The following DOCK3 variants were observed in gnomAD, a reference collection of about 807,000 sequenced individuals.
The protein encoded by DOCK3 is dedicator of cytokinesis protein 3.
In DOCK3, 60 loss-of-function variants were observed where a neutral mutation model predicts 265.6. The observed-to-expected ratio is 0.23, with a 90% confidence interval of 0.18 to 0.28. DOCK3 has a LOEUF of 0.28. Among genes scored for constraint, DOCK3 ranks in the 10% least tolerant of loss-of-function variants. The pLI is 1.00. For synonymous variants in DOCK3, 881 were observed against 938.0 expected, an observed-to-expected ratio of 0.94 and a Z score of 1.11; for missense variants, 1,981 against 2,594.3, an observed-to-expected ratio of 0.76 and a Z score of 5.14.
chr3:50,765,967 C>T (rs946630892), intron 1 of DOCK3, among the ~76,000 whole-genome samples: 2 of 152,000 alleles, frequency 1.3e-5, no homozygotes, highest in African/African-American at 4.8e-5. Flanking sequence ...CGGTCCTATT[C>T]TCTACATCTG....
chr3:51,322,667 A>G (rs1406434131), intron 32 of DOCK3, among the ~76,000 whole-genome samples: 7 of 152,192 alleles, frequency 4.6e-5, no homozygotes, highest in Non-Finnish European at 5.9e-5. Context: ...AAATATGGAA[A>G]GGAGTAACCG....
At chr3:51,176,467 A>AT (rs112296248) in intron 12 of DOCK3, among the ~76,000 whole-genome samples, 2,035 of 51,886 alleles carry the variant, frequency 0.039, 53 homozygotes, top group African/African-American at 0.12. Flanking sequence ...AAATAAAAAA[A>AT]AAAAAAAAAT....
At chr3:51,112,223 G>A (rs2083551619) in intron 9 of DOCK3, among the ~76,000 whole-genome samples, 1 of 152,134 alleles carries the variant, frequency 6.6e-6, no homozygotes, top group Non-Finnish European at 1.5e-5. Flanking sequence ...ATACCCAGAG[G>A]AATATAAATC....
intron 19 of DOCK3, among the ~76,000 whole-genome samples, chr3:51,230,095 A>G (rs922234156): frequency 2.6e-5 from 4 of 152,144 alleles, no homozygotes; most frequent in African/African-American, 9.7e-5. Flanking sequence ...CATTGTGTTT[A>G]TATGCCATGT....
intron 6 of DOCK3, among the ~76,000 whole-genome samples, chr3:51,065,720 T>C (rs1319156399): frequency 6.6e-6 from 1 of 152,218 alleles, no homozygotes; most frequent in Non-Finnish European, 1.5e-5. Flanking sequence ...ATTTAAGGAC[T>C]TTAAAGTATA....
chr3:51,018,977 C>A (rs1327912239), intron 5 of DOCK3, among the ~76,000 whole-genome samples: 2 of 151,556 alleles, frequency 1.3e-5, no homozygotes, highest in Non-Finnish European at 2.9e-5. Context: ...CCAGTGGTGT[C>A]TTTTTTTGGA....
intron 12 of DOCK3, among the ~76,000 whole-genome samples, chr3:51,205,378 G>C (rs1279901036): frequency 1.3e-5 from 2 of 151,906 alleles, no homozygotes; most frequent in African/African-American, 4.8e-5. Context: ...ATGGGGTTAG[G>C]ACTAAAGAGA....
Position 50,894,257 on chromosome 3 carries a change from C to T in DOCK3, c.218+4176C>T, listed in dbSNP as rs545267964. On this transcript the variant is annotated intron_variant, in intron 4 of 52. Coordinates refer to ENST00000266037, the MANE Select transcript of DOCK3 (RefSeq NM_004947.5). ...CTTATATAAGAGAGCCTCCATAAAT[C>T]TGCTATCAGCAGATTTCTCCGCCAA... Among the ~76,000 whole-genome samples, 9 of 152,092 alleles carry T rather than the reference C, an allele frequency of 5.9e-5. No homozygotes were observed. The South Asian group carries it at 1.9e-3, about 32-fold the overall frequency.
chr3:51,094,223 G>A (rs2082740043), intron 9 of DOCK3, among the ~76,000 whole-genome samples: 1 of 152,048 alleles, frequency 6.6e-6, no homozygotes. Flanking sequence ...TCTGTTTATT[G>A]GAATAGTTTC....
At chr3:51,052,977 C>G (rs551040369) in intron 5 of DOCK3, among the ~76,000 whole-genome samples, 10 of 150,352 alleles carry the variant, frequency 6.7e-5, no homozygotes, top group Non-Finnish European at 1.3e-4. Flanking sequence ...TAAATTGAGA[C>G]TGCTTAACTT....
chr3:51,127,295 A>T (rs1164057843), intron 9 of DOCK3, among the ~76,000 whole-genome samples: 1 of 152,144 alleles, frequency 6.6e-6, no homozygotes, highest in African/African-American at 2.4e-5. Flanking sequence ...ACATACCACG[A>T]TCAGTACTTT....
At chr3:51,109,301 G>A (rs973471525) in intron 9 of DOCK3, among the ~76,000 whole-genome samples, 2 of 151,974 alleles carry the variant, frequency 1.3e-5, no homozygotes, top group African/African-American at 4.8e-5. Context: ...AAATTAAGGT[G>A]GAAATCAAGT....
chr3:51,379,157 C>T (rs782692666), intron 51 of DOCK3, among the ~76,000 whole-genome samples: 1 of 152,328 alleles, frequency 6.6e-6, no homozygotes, highest in Middle Eastern at 3.4e-3. Flanking sequence ...CCTGGCAGAT[C>T]CCAGAGGCTG....
intron 1 of DOCK3, among the ~76,000 whole-genome samples, chr3:50,686,487 C>T (rs544439603): frequency 1.3e-5 from 2 of 152,150 alleles, no homozygotes; most frequent in Admixed American, 6.5e-5. Flanking sequence ...ACAGATTGGT[C>T]GTGGATCTAT....
intron 4 of DOCK3, among the ~76,000 whole-genome samples, chr3:50,896,259 AG>A (rs2048890095): frequency 6.6e-6 from 1 of 152,158 alleles, no homozygotes; most frequent in Admixed American, 6.6e-5. Context: ...AGTGATGATG[AG>A]CTTTTTCTCA....
rs9831112 is a variant in DOCK3 at position 51,230,631 on chromosome 3, C to T, written c.1917+1022C>T. 2.7e-3 allele frequency among the ~76,000 whole-genome samples: 416 copies of T among 152,222 alleles called. 1 individual carries two copies. The highest frequency in any genetic ancestry group is 9.6e-3 in the African/African-American group (398 of 41,538). On this transcript the variant is annotated intron_variant, in intron 19 of 52. Coordinates refer to ENST00000266037, the MANE Select transcript of DOCK3 (RefSeq NM_004947.5). Reference sequence around the variant, plus strand: ...TGCCCGGTTCAAGCGATTCTCCTGCCTCAGGCTCCAGAGTAGCTAGGACTA... The same window carrying T: ...TGCCCGGTTCAAGCGATTCTCCTGCTTCAGGCTCCAGAGTAGCTAGGACTA...
intron 5 of DOCK3, among the ~76,000 whole-genome samples, chr3:50,994,196 A>T (rs980235625): frequency 3.9e-5 from 6 of 152,212 alleles, no homozygotes; most frequent in African/African-American, 1.4e-4. Context: ...AGAATTAGTG[A>T]GAGTCAGCAA....
intron 4 of DOCK3, among the ~76,000 whole-genome samples, chr3:50,903,494 C>G (rs957203255): frequency 2.0e-5 from 3 of 152,140 alleles, no homozygotes; most frequent in African/African-American, 4.8e-5. Context: ...GTTTAACCAG[C>G]CTTGCATCCC....
chr3:51,189,736 C>G (rs2087830485), intron 12 of DOCK3, among the ~76,000 whole-genome samples: 1 of 152,164 alleles, frequency 6.6e-6, no homozygotes, highest in South Asian at 2.1e-4. Flanking sequence ...ATGCAAGTGT[C>G]TTTTTGGTAT....
Sources: allele counts gnomAD v4.1 joint callset (sites outside exome capture counted in the v4.1 genomes callset), GRCh38; gene constraint gnomAD v4.1.1; transcripts MANE v1.5; gene names NCBI Gene and HGNC (gene_info 2026-07-23, HGNC 2026-07-21).